Variants in KAZN observed in about 807,000 individuals in gnomAD.
KAZN encodes kazrin, periplakin interacting protein.
In KAZN, 40 loss-of-function variants were observed where a neutral mutation model predicts 87.4. The ratio of observed to expected loss-of-function variants is 0.46; its 90% CI spans 0.36 to 0.60. KAZN has a LOEUF of 0.60. Ranked by LOEUF, KAZN falls within the 20% of genes least tolerant of loss-of-function variation. KAZN has a pLI of 0.00. For missense variants in KAZN, 898 were observed against 1,073.9 expected (o/e 0.84, Z 2.29); for synonymous variants, 466 against 458.3 (o/e 1.02, Z -0.22).
intron 1 of KAZN, among the ~76,000 whole-genome samples, chr1:14,079,264 G>A (rs1330847281): frequency 6.6e-6 from 1 of 152,224 alleles, no homozygotes; most frequent in Non-Finnish European, 1.5e-5. Flanking sequence ...TTCACGTTTA[G>A]AAAACAAAGT....
intron 2 of KAZN, among the ~76,000 whole-genome samples, chr1:14,224,660 G>C (rs1443711389): frequency 6.6e-6 from 1 of 152,128 alleles, no homozygotes; most frequent in Non-Finnish European, 1.5e-5. Flanking sequence ...ACATAGTAGG[G>C]GATGGCTGTA....
At chr1:14,341,846 G>T (rs1657751015) in intron 2 of KAZN, among the ~76,000 whole-genome samples, 1 of 152,032 alleles carries the variant, frequency 6.6e-6, no homozygotes, top group African/African-American at 2.4e-5. Context: ...CTTTTATTTT[G>T]TGTTCAGGGG....
At chr1:14,419,510 T>C (rs538108586) in intron 2 of KAZN, among the ~76,000 whole-genome samples, 4 of 152,306 alleles carry the variant, frequency 2.6e-5, no homozygotes, top group Non-Finnish European at 4.4e-5. Flanking sequence ...GTTAGGCCAG[T>C]TCCCTCTGTG....
intron 1 of KAZN, among the ~76,000 whole-genome samples, chr1:13,953,305 C>A (rs751661286): frequency 6.6e-6 from 1 of 152,110 alleles, no homozygotes; most frequent in African/African-American, 2.4e-5. Flanking sequence ...CTTTTTGGCC[C>A]GTGGAGTACT....
At chr1:14,085,038 A>C (rs928229062) in intron 1 of KAZN, among the ~76,000 whole-genome samples, 5 of 152,146 alleles carry the variant, frequency 3.3e-5, no homozygotes, top group Admixed American at 3.3e-4. Context: ...GTGGCTTCCA[A>C]GTCTCTGATG....
intron 1 of KAZN, among the ~76,000 whole-genome samples, chr1:14,131,302 C>T (rs1052407538): frequency 5.2e-4 from 79 of 152,180 alleles, no homozygotes; most frequent in African/African-American, 1.8e-3. Context: ...CGTAGCCAAA[C>T]CATATTACAG....
At chr1:14,247,557 T>C (rs1321756299) in intron 2 of KAZN, among the ~76,000 whole-genome samples, 1 of 152,222 alleles carries the variant, frequency 6.6e-6, no homozygotes, top group Non-Finnish European at 1.5e-5. Flanking sequence ...CTGAGGATGA[T>C]GGCTTCCAGC....
At chr1:14,117,052 T>C (rs185723464) in intron 1 of KAZN, among the ~76,000 whole-genome samples, 47 of 152,368 alleles carry the variant, frequency 3.1e-4, no homozygotes, top group African/African-American at 1.0e-3. Flanking sequence ...TTTTACAGAC[T>C]CATAGGTGCA....
chr1:14,789,702 C>T (rs1400345426), intron 1 of KAZN, among the ~76,000 whole-genome samples: 1 of 136,564 alleles, frequency 7.3e-6, no homozygotes, highest in East Asian at 2.3e-4. Context: ...AGTCATCTGT[C>T]CTCTTATCTG....
chr1:15,095,515 C>T (rs1401306532), intron 10 of KAZN, among the ~76,000 whole-genome samples: 1 of 151,850 alleles, frequency 6.6e-6, no homozygotes, highest in African/African-American at 2.4e-5. Context: ...CCTGCTCTGC[C>T]TCCGGCCTGC....
intron 2 of KAZN, among the ~76,000 whole-genome samples, chr1:14,521,142 G>A (rs918003671): frequency 2.0e-5 from 3 of 152,158 alleles, no homozygotes; most frequent in African/African-American, 7.2e-5. Flanking sequence ...CTGAGGGAGG[G>A]GTGCAGCCAA....
rs375439270 is a variant in KAZN, at chr1:14,509,761, C to G, written c.250-89222C>G. ...CAAGCAGATGAAAAATAAATACACA[C>G]TCATCTTATGAAGAAAACAAAACAG... On this transcript the variant is annotated intron_variant, in intron 2 of 16. Transcript: ENST00000636203. Among the ~76,000 whole-genome samples, 9 of 152,200 alleles carry G rather than the reference C, an allele frequency of 5.9e-5. No individual in the cohort carries two copies. In the East Asian group the frequency reaches 1.5e-3, roughly 26 times the overall value.
At chr1:15,043,860 G>T in intron 3 of KAZN, 129 bp from the exon 4 acceptor site, 1 of 896,860 alleles carries the variant, frequency 1.1e-6, no homozygotes, top group Non-Finnish European at 1.6e-6. Flanking sequence ...AGCCAGGATG[G>T]TCTCAATCTC....
At chr1:14,161,830 A>G (rs1003361313) in intron 1 of KAZN, among the ~76,000 whole-genome samples, 7 of 152,234 alleles carry the variant, frequency 4.6e-5, no homozygotes, top group Non-Finnish European at 4.4e-5. Context: ...CTGGAATCTC[A>G]TCATGTAAAT....
chr1:14,751,074 A>G (rs6659105), intron 1 of KAZN, among the ~76,000 whole-genome samples: 55,919 of 151,754 alleles, frequency 0.37, 10,661 homozygotes, highest in Middle Eastern at 0.48. Flanking sequence ...GGAGATGTGA[A>G]GCTTTGAGTA....
intron 1 of KAZN, among the ~76,000 whole-genome samples, chr1:14,934,769 A>T (rs1159912179): frequency 6.6e-6 from 1 of 152,180 alleles, no homozygotes; most frequent in African/African-American, 2.4e-5. Flanking sequence ...GCTGGCCAGT[A>T]TCCATCTAAA....
chr1:14,824,132 G>T (rs1646815699), intron 1 of KAZN, among the ~76,000 whole-genome samples: 1 of 138,096 alleles, frequency 7.2e-6, no homozygotes. Context: ...AAAAAAAAAA[G>T]GTTAAAAATC....
intron 1 of KAZN, among the ~76,000 whole-genome samples, chr1:14,829,942 G>C (rs971601474): frequency 6.6e-6 from 1 of 152,244 alleles, no homozygotes; most frequent in Admixed American, 6.5e-5. Context: ...AGCAGCACTA[G>C]CCACTAGCCC....
chr1:15,094,389 G>A lies in KAZN; in HGVS notation c.1428+4G>A, dbSNP rs1021546413. The A allele has an allele frequency of 6.2e-7, 1 of 1,608,296 alleles. No individual in the cohort carries two copies. Among genetic ancestry groups the A allele is most frequent in the East Asian group, 2.2e-5 (1 of 44,650 alleles). ...GGAGAACGTGAAGAGCGGGAAGGTA[G>A]GCAACTCCGGGCCCCCTATGGGATG... On this transcript the variant is annotated splice_donor_region_variant and intron_variant, in intron 9 of 14. Coordinates refer to ENST00000376030, the MANE Select transcript of KAZN (RefSeq NM_201628.3). This position sits in a 1 kb window ranked among gnomAD's most constrained non-coding sequence, Gnocchi z 4.5.
Sources: gnomAD v4.1 joint callset for allele counts (sites outside exome capture counted in the v4.1 genomes callset) on GRCh38, gnomAD v4.1.1 for gene constraint, Gnocchi (gnomAD v3.1) non-coding constraint, MANE v1.5 for transcripts, NCBI Gene and HGNC (gene_info 2026-07-23, HGNC 2026-07-21) for gene names.